Variants in IL1RL2 observed in about 807,000 individuals in gnomAD.
The protein encoded by IL1RL2 is interleukin-1 receptor-like 2.
IL1RL2 carries 68 observed loss-of-function variants against 66.8 expected under a neutral mutation model. That is an observed-to-expected ratio of 1.02 (90% CI 0.84 to 1.25). IL1RL2 has a LOEUF of 1.25. Ranked by LOEUF, IL1RL2 falls within the 50% of genes most tolerant of loss-of-function variation. The probability of loss-of-function intolerance (pLI) is 0.00; values close to 1 mark genes in which losing one functional copy is unlikely to be tolerated. For synonymous variants in IL1RL2, 305 were observed against 264.6 expected (o/e 1.15, Z -1.48); for missense variants, 729 against 709.3 (o/e 1.03, Z -0.32).
At chr2:102,236,988 C>T (rs566359214) in intron 11 of IL1RL2, among the ~76,000 whole-genome samples, 14 of 152,326 alleles carry the variant, frequency 9.2e-5, no homozygotes, top group South Asian at 2.1e-4. Flanking sequence ...AATACCTTTT[C>T]GTCTGACGGG....
chr2:102,220,291 C>T (rs1689990718), intron 8 of IL1RL2, among the ~76,000 whole-genome samples: 1 of 152,112 alleles, frequency 6.6e-6, no homozygotes, highest in South Asian at 2.1e-4. Context: ...AAAAGCTTTT[C>T]TTTATTAAGC....
intron 4 of IL1RL2, among the ~76,000 whole-genome samples, chr2:102,198,963 A>G (rs1370050629): frequency 3.3e-5 from 5 of 151,922 alleles, no homozygotes; most frequent in Non-Finnish European, 7.4e-5. Context: ...GGTTAGATCT[A>G]TTTTTTAATC....
Position 102,187,936 on chromosome 2 carries a change from T to A in IL1RL2, c.58+11T>A. ...TGTCTGTCACAGCAGGTACGTTCCG[T>A]GTGTCCTCCGTTCCCAGAGGCTGCC... On this transcript the variant is annotated intron_variant, in intron 2 of 11. Transcript: ENST00000264257. The A allele has an allele frequency of 6.2e-7, 1 of 1,613,550 alleles. No individual in the cohort carries two copies. The highest frequency in any genetic ancestry group is 8.5e-7 in the Non-Finnish European group (1 of 1,179,534).
At position 102,239,686 on chromosome 2, in the gene IL1RL2, C is replaced by T. The variant is rs115922027; in HGVS notation, c.*445C>T. Reference sequence around the variant, plus strand: ...TGGTGGGTGAGAGCTGGGAGCATCCCCATGTCATGGTGGGCGAGATCTGGG... The same window carrying T: ...TGGTGGGTGAGAGCTGGGAGCATCCTCATGTCATGGTGGGCGAGATCTGGG... On this transcript the variant is annotated 3_prime_UTR_variant, in exon 12 of 12. Transcript: ENST00000264257. 190 of 177,668 alleles carry T rather than the reference C, an allele frequency of 1.1e-3. 1 individual carries two copies. The highest frequency in any genetic ancestry group is 1.4e-3 in the Non-Finnish European group (118 of 81,392). The allele number at this position is 177,668 out of a possible 1,614,324, so 11.0% of individuals were successfully genotyped here. A position where few individuals can be genotyped will look rare whatever the true frequency, so the allele number is the denominator to read the frequency against.
At chr2:102,221,290 C>T (rs1033959085) in intron 8 of IL1RL2, among the ~76,000 whole-genome samples, 2 of 152,158 alleles carry the variant, frequency 1.3e-5, no homozygotes, top group African/African-American at 2.4e-5. Flanking sequence ...TCTGTGTCCT[C>T]ATCCCTCAAA....
chr2:102,219,880 G>C lies in IL1RL2; in HGVS notation c.855-1G>C. On this transcript the variant is annotated splice_acceptor_variant, in intron 7 of 11. Transcript: ENST00000264257. LOFTEE classifies it high-confidence loss of function. ...TAATGACTTACTCTTTTCTTTTATA[G>C]AACCCATGTCTCTTTTCGGGAACAT... 4 of 1,600,092 alleles carry C rather than the reference G, an allele frequency of 2.5e-6. No individual in the cohort carries two copies. The highest frequency in any genetic ancestry group is 3.4e-6 in the Non-Finnish European group (4 of 1,168,234).
chr2:102,211,977 G>A (rs772546247), intron 5 of IL1RL2, 123 bp from the exon 6 acceptor site: 60 of 571,394 alleles, frequency 1.1e-4, no homozygotes, highest in Non-Finnish European at 1.6e-4. Flanking sequence ...TATTTATGGA[G>A]TGAGATTTTG....
rs1050948099 is a variant in IL1RL2, at chr2:102,200,987, G to A, written c.490-569G>A. On this transcript the variant is annotated intron_variant, in intron 4 of 11. Transcript: ENST00000264257. Reference sequence around the variant, plus strand: ...AAGAATTATTTTGGACTTCTATAAAGTCCAATGCTTGATAAGTGCAGAAAG... The same window carrying A: ...AAGAATTATTTTGGACTTCTATAAAATCCAATGCTTGATAAGTGCAGAAAG... 3.9e-5 allele frequency among the ~76,000 whole-genome samples: 6 copies of A among 152,096 alleles called. No individual in the cohort carries two copies. The South Asian group carries it at 1.0e-3, about 26-fold the overall frequency.
intron 9 of IL1RL2, 128 bp from the exon 10 acceptor site, chr2:102,232,835 C>T: frequency 9.9e-7 from 1 of 1,006,252 alleles, no homozygotes; most frequent in Non-Finnish European, 1.5e-6. Context: ...CCAAGTCAGC[C>T]AACTGGGCAC....
chr2:102,241,298 C>T (rs190620239), downstream of IL1RL2, among the ~76,000 whole-genome samples: 171 of 152,304 alleles, frequency 1.1e-3, 2 homozygotes, highest in Non-Finnish European at 5.9e-5. Context: ...GCCCTGTTTA[C>T]TATGTGCTCG....
intron 10 of IL1RL2, among the ~76,000 whole-genome samples, chr2:102,234,467 T>G (rs1408604579): frequency 2.6e-5 from 4 of 152,168 alleles, no homozygotes; most frequent in African/African-American, 7.2e-5. Context: ...AAACTTGAAT[T>G]AATCCATTCC....
At position 102,200,491 on chromosome 2, in the gene IL1RL2, C is replaced by A. The variant is rs546997908; in HGVS notation, c.490-1065C>A. Among the ~76,000 whole-genome samples, 5 of 152,242 alleles carry A rather than the reference C, an allele frequency of 3.3e-5. No homozygotes were observed. The South Asian group carries it at 8.3e-4, about 25-fold the overall frequency. The stretch of plus-strand genomic sequence containing the variant: ...AAATATTTATTTAATTAGGAGTTTG[C>A]ATGTTGATTTTATCTTTTAGATTGT... On this transcript the variant is annotated intron_variant, in intron 4 of 11. Transcript: ENST00000264257.
chr2:102,202,706 A>G (rs1354491226), intron 5 of IL1RL2, among the ~76,000 whole-genome samples: 2 of 152,238 alleles, frequency 1.3e-5, no homozygotes, highest in African/African-American at 4.8e-5. Flanking sequence ...GCATATAGAA[A>G]TGCTACTGAT....
At chr2:102,207,300 C>G (rs1010778609) in intron 5 of IL1RL2, among the ~76,000 whole-genome samples, 1 of 152,158 alleles carries the variant, frequency 6.6e-6, no homozygotes, top group Non-Finnish European at 1.5e-5. Flanking sequence ...TTTTCTCAAG[C>G]AAAAGGAGTT....
intron 3 of IL1RL2, among the ~76,000 whole-genome samples, chr2:102,191,566 C>T (rs188324215): frequency 1.1e-4 from 16 of 152,150 alleles, no homozygotes; most frequent in Admixed American, 1.0e-3. Flanking sequence ...TTTGTATTAC[C>T]TCCTTCATTG....
intron 5 of IL1RL2, among the ~76,000 whole-genome samples, chr2:102,211,384 G>A (rs1342408292): frequency 6.6e-6 from 1 of 152,036 alleles, no homozygotes; most frequent in Non-Finnish European, 1.5e-5. Context: ...TTGGTGGTAG[G>A]ATGAAAGAGT....
At chr2:102,234,584 A>G (rs1156743654) in intron 10 of IL1RL2, among the ~76,000 whole-genome samples, 2 of 152,192 alleles carry the variant, frequency 1.3e-5, no homozygotes, top group Non-Finnish European at 2.9e-5. Context: ...ACTTGAGGTC[A>G]GGAGTTCAAC....
chr2:102,212,042 A>T (rs1689215026), intron 5 of IL1RL2, 58 bp from the exon 6 acceptor site: 4 of 1,264,298 alleles, frequency 3.2e-6, no homozygotes, highest in Non-Finnish European at 3.5e-6. Context: ...ACATCAAAGT[A>T]CTTGGGAATG....
Position 102,213,590 on chromosome 2 carries a change from G to C in IL1RL2, c.724+1416G>C, listed in dbSNP as rs188057099. ...AATTATTTGCATTTTTGATTAGAGA[G>C]CCAAAGCCATAGTTAAAGAATATTT... On this transcript the variant is annotated intron_variant, in intron 6 of 11. Transcript: ENST00000264257. 1.2e-4 allele frequency among the ~76,000 whole-genome samples: 19 copies of C among 152,108 alleles called. No individual in the cohort carries two copies. The East Asian group carries it at 3.5e-3, about 28-fold the overall frequency.
Sources: gnomAD v4.1 joint callset for allele counts (sites outside exome capture counted in the v4.1 genomes callset) on GRCh38, gnomAD v4.1.1 for gene constraint, MANE v1.5 for transcripts, NCBI Gene and HGNC (gene_info 2026-07-23, HGNC 2026-07-21) for gene names.